The following SSBP2 variants were observed in gnomAD, a reference collection of about 807,000 sequenced individuals.
SSBP2 encodes single-stranded DNA-binding protein 2.
Under a neutral mutation model 61.8 loss-of-function variants are expected in SSBP2, and 17 were observed. The ratio of observed to expected loss-of-function variants is 0.28; its 90% CI spans 0.19 to 0.41. The LOEUF (loss-of-function observed/expected upper bound fraction) is 0.41, where lower values mean the gene tolerates loss of function less well. SSBP2 is among the 10% of genes least tolerant of loss of function. The probability of loss-of-function intolerance (pLI) is 1.00; values close to 1 mark genes in which losing one functional copy is unlikely to be tolerated. For missense variants in SSBP2, 310 were observed against 458.7 expected, an observed-to-expected ratio of 0.68 and a Z score of 2.96; for synonymous variants, 139 against 141.3, an observed-to-expected ratio of 0.98 and a Z score of 0.12.
intron 1 of SSBP2, among the ~76,000 whole-genome samples, chr5:81,718,007 A>G (rs1005245297): frequency 8.5e-5 from 13 of 152,194 alleles, no homozygotes; most frequent in African/African-American, 3.1e-4. Context: ...TAACTTTGTA[A>G]GCCCCTGGGA....
chr5:81,464,712 T>A (rs935272184), intron 9 of SSBP2, among the ~76,000 whole-genome samples: 19 of 152,246 alleles, frequency 1.2e-4, no homozygotes, highest in African/African-American at 4.6e-4. Context: ...TCCTAACACA[T>A]AAATATTTTT....
intron 1 of SSBP2, among the ~76,000 whole-genome samples, chr5:81,691,732 T>C (rs530766484): frequency 2.0e-5 from 3 of 152,268 alleles, no homozygotes; most frequent in Non-Finnish European, 4.4e-5. Context: ...ATTACTCTGA[T>C]ACCAAAACCA....
chr5:81,472,631 C>G (rs1765323931), intron 8 of SSBP2, among the ~76,000 whole-genome samples: 1 of 151,892 alleles, frequency 6.6e-6, no homozygotes, highest in Non-Finnish European at 1.5e-5. Flanking sequence ...GGAGTTTTTG[C>G]TATTGTTCCC....
intron 11 of SSBP2, among the ~76,000 whole-genome samples, chr5:81,448,304 T>C (rs140828011): frequency 4.6e-5 from 7 of 152,240 alleles, no homozygotes; most frequent in African/African-American, 1.7e-4. Flanking sequence ...GTAATAATGA[T>C]AAAAATAAGT....
intron 4 of SSBP2, among the ~76,000 whole-genome samples, chr5:81,580,521 ACCCAACCC>A (rs1335011718): frequency 6.6e-6 from 1 of 152,040 alleles, no homozygotes; most frequent in Non-Finnish European, 1.5e-5. Context: ...GGGAAAAGTC[ACCCAACCC>A]CGATGTTTAT....
At chr5:81,697,920 C>A in intron 1 of SSBP2, among the ~76,000 whole-genome samples, 1 of 152,178 alleles carries the variant, frequency 6.6e-6, no homozygotes, top group South Asian at 2.1e-4. Context: ...TAATTATCTG[C>A]CTCTATGGTA....
intron 4 of SSBP2, among the ~76,000 whole-genome samples, chr5:81,614,735 T>A (rs1478571029): frequency 6.6e-6 from 1 of 152,158 alleles, no homozygotes; most frequent in Non-Finnish European, 1.5e-5. Context: ...TGTCCCTCTT[T>A]TATGGTTAGT....
intron 1 of SSBP2, among the ~76,000 whole-genome samples, chr5:81,671,711 T>G (rs1202696111): frequency 1.3e-5 from 2 of 152,090 alleles, no homozygotes; most frequent in Non-Finnish European, 2.9e-5. Context: ...AATCTTGCCC[T>G]TAAGTAATTT....
In SSBP2 at chr5:81,420,423, C is replaced by T. The variant is rs565228491; in HGVS notation, c.*81G>A. 1.5e-6 allele frequency: 2 copies of T among 1,339,034 alleles called. No homozygotes were observed. Among genetic ancestry groups the T allele is most frequent in the East Asian group, 4.6e-5 (2 of 43,392 alleles). The allele number at this position is 1,339,034 out of a possible 1,614,324, so 82.9% of individuals were successfully genotyped here. On this transcript the variant is annotated 3_prime_UTR_variant, in exon 17 of 17. Transcript: ENST00000320672. ...TGAGATTCCTTTGTTTAACTGTACA[C>T]TGTGATGAATAATTTTCTTCCGTAG...
At chr5:81,456,470 A>G (rs561884895) in intron 10 of SSBP2, among the ~76,000 whole-genome samples, 4 of 151,954 alleles carry the variant, frequency 2.6e-5, no homozygotes, top group South Asian at 2.1e-4. Flanking sequence ...TGATCCAGTA[A>G]TACTCTTTTT....
chr5:81,719,782 G>A (rs888254586), intron 1 of SSBP2, among the ~76,000 whole-genome samples: 5 of 152,158 alleles, frequency 3.3e-5, no homozygotes, highest in Non-Finnish European at 7.3e-5. Flanking sequence ...GTTTTCAGCA[G>A]AAAAGGCCAA....
At chr5:81,474,202 A>T (rs563143122) in intron 7 of SSBP2, among the ~76,000 whole-genome samples, 1 of 152,312 alleles carries the variant, frequency 6.6e-6, no homozygotes, top group East Asian at 1.9e-4. Context: ...ATAATAAGTG[A>T]TATTATCACT....
intron 5 of SSBP2, among the ~76,000 whole-genome samples, chr5:81,494,306 T>G (rs575391077): frequency 5.3e-5 from 8 of 152,334 alleles, no homozygotes; most frequent in Non-Finnish European, 1.2e-4. Context: ...CTGGGTAGCA[T>G]AGTTAGTACT....
rs532932014 is a variant in SSBP2 at position 81,456,706 on chromosome 5, G to A, written c.687+4349C>T. Among the ~76,000 whole-genome samples, 19 of 152,060 alleles carry A rather than the reference G, an allele frequency of 1.2e-4. No individual in the cohort carries two copies. In the East Asian group the frequency reaches 2.3e-3, roughly 19 times the overall value. ...GGTAAGAAAATTAAAAATTAAAATC[G>A]TAACTTTTATTTGGAATTAAAAATA... On this transcript the variant is annotated intron_variant, in intron 10 of 16. Transcript: ENST00000320672.
chr5:81,552,797 T>C (rs1772307555), intron 4 of SSBP2, among the ~76,000 whole-genome samples: 1 of 152,126 alleles, frequency 6.6e-6, no homozygotes, highest in Non-Finnish European at 1.5e-5. Context: ...GTGACTCAAA[T>C]AGTGATAGAC....
rs1761366000 is a variant in SSBP2, at chr5:81,417,626, A to C, written c.*2878T>G. On this transcript the variant is annotated 3_prime_UTR_variant, in exon 17 of 17. Coordinates refer to ENST00000320672, the MANE Select transcript of SSBP2 (RefSeq NM_012446.5). ...AAAAACATTAAATAGTCTTATTACA[A>C]GAAAAAAGGATAAGGGTTAAATGAT... is the stretch of plus-strand genomic sequence containing the variant. 1 of 152,248 alleles carries C rather than the reference A, an allele frequency of 6.6e-6. No individual in the cohort carries two copies. Among genetic ancestry groups the C allele is most frequent in the Admixed American group, 6.5e-5 (1 of 15,280 alleles). 9.4% of individuals were successfully genotyped at this position (152,248 alleles called of 1,614,324 possible).
At chr5:81,651,562 G>C (rs1269074848) in intron 1 of SSBP2, among the ~76,000 whole-genome samples, 1 of 152,180 alleles carries the variant, frequency 6.6e-6, no homozygotes, top group Non-Finnish European at 1.5e-5. Context: ...GAGGATGAAT[G>C]TAATTTAGAA....
intron 5 of SSBP2, among the ~76,000 whole-genome samples, chr5:81,506,718 A>C (rs1371777720): frequency 1.3e-5 from 2 of 152,180 alleles, no homozygotes; most frequent in African/African-American, 2.4e-5. Context: ...AGGAAGTCTG[A>C]ATAGGAATAG....
intron 1 of SSBP2, among the ~76,000 whole-genome samples, chr5:81,740,017 A>C (rs1319653947): frequency 2.0e-5 from 3 of 152,168 alleles, no homozygotes. Flanking sequence ...AAAAGCATCA[A>C]CAACCTTTAA....
Sources: gnomAD v4.1 joint callset for allele counts (sites outside exome capture counted in the v4.1 genomes callset) on GRCh38, gnomAD v4.1.1 for gene constraint, MANE v1.5 for transcripts, NCBI Gene and HGNC (gene_info 2026-07-23, HGNC 2026-07-21) for gene names.